HABP2: variants seen among roughly 807,000 people sequenced by gnomAD.
HABP2 encodes hyaluronan binding protein 2.
A neutral mutation model predicts 66.5 loss-of-function variants in HABP2; 65 were observed. The ratio of observed to expected loss-of-function variants is 0.98; its 90% CI spans 0.80 to 1.20. The LOEUF is 1.20. Ranked by LOEUF, HABP2 falls within the 50% of genes most tolerant of loss-of-function variation. The pLI is 0.00. For synonymous variants in HABP2, 263 were observed against 253.9 expected (o/e 1.04, Z -0.34); for missense variants, 786 against 691.0 (o/e 1.14, Z -1.54).
intron 1 of HABP2, among the ~76,000 whole-genome samples, chr10:113,556,973 A>C (rs1344765526): frequency 6.6e-6 from 1 of 151,956 alleles, no homozygotes; most frequent in Non-Finnish European, 1.5e-5. Flanking sequence ...CTTCCTCTTG[A>C]CCAATGTGCA....
At position 113,577,919 on chromosome 10, in the gene HABP2, C is replaced by T. The variant is rs146746733; in HGVS notation, c.449-107C>T. On this transcript the variant is annotated intron_variant, in intron 5 of 12. Transcript: ENST00000351270. Reference sequence around the variant, plus strand: ...TTCCCATCTGGTGACCCATCTTTCGCGAAAGGATGGACACCAGTAGAATGC... The same window carrying T: ...TTCCCATCTGGTGACCCATCTTTCGTGAAAGGATGGACACCAGTAGAATGC... 569 of 1,362,018 alleles carry T rather than the reference C, an allele frequency of 4.2e-4. 1 individual carries two copies. In the African/African-American group the frequency reaches 5.8e-3, roughly 14 times the overall value. The allele number at this position is 1,362,018 out of a possible 1,614,324, so 84.4% of individuals were successfully genotyped here. A position where few individuals can be genotyped will look rare whatever the true frequency, so the allele number is the denominator to read the frequency against.
chr10:113,569,339 G>A (rs538157792), intron 2 of HABP2, among the ~76,000 whole-genome samples: 2 of 152,336 alleles, frequency 1.3e-5, no homozygotes, highest in African/African-American at 2.4e-5. Flanking sequence ...CTGAGTTGTA[G>A]AGATTGGGCC....
intron 9 of HABP2, 107 bp from the exon 10 acceptor site, chr10:113,583,109 C>T (rs752305540): frequency 2.3e-5 from 20 of 877,130 alleles, no homozygotes; most frequent in African/African-American, 1.0e-4. Flanking sequence ...GTGAGTGAGA[C>T]GAGGGTTACA....
At chr10:113,568,338 C>A (rs1016155493) in intron 2 of HABP2, among the ~76,000 whole-genome samples, 6 of 152,222 alleles carry the variant, frequency 3.9e-5, no homozygotes, top group African/African-American at 1.4e-4. Context: ...GCAGACAACA[C>A]ATGGAGACTG....
intron 3 of HABP2, among the ~76,000 whole-genome samples, chr10:113,575,170 G>A (rs549945602): frequency 6.6e-6 from 1 of 152,300 alleles, no homozygotes; most frequent in East Asian, 1.9e-4. Context: ...GGGCATGGGG[G>A]AACATCAGAA....
Position 113,588,701 on chromosome 10 carries a change from A to G in HABP2, c.*332A>G, listed in dbSNP as rs1362667647. 1 of 545,124 alleles carries G rather than the reference A, an allele frequency of 1.8e-6. No individual in the cohort carries two copies. The highest frequency in any genetic ancestry group is 3.2e-6 in the Non-Finnish European group (1 of 310,122). 33.8% of individuals were successfully genotyped at this position (545,124 alleles called of 1,614,324 possible). A position where few individuals can be genotyped will look rare whatever the true frequency, so the allele number is the denominator to read the frequency against. On this transcript the variant is annotated 3_prime_UTR_variant, in exon 13 of 13. Transcript: ENST00000351270. ...CAGGCATCCTGCAAATGCAGACTCCAGAATCCCCAGCATCAGCGGGAACCA... is the reference window on the plus strand; with the variant it reads ...CAGGCATCCTGCAAATGCAGACTCCGGAATCCCCAGCATCAGCGGGAACCA...
intron 2 of HABP2, among the ~76,000 whole-genome samples, chr10:113,572,048 C>A (rs931484278): frequency 3.9e-5 from 6 of 152,248 alleles, no homozygotes; most frequent in African/African-American, 1.4e-4. Flanking sequence ...TGGAAAGGAT[C>A]TTTGTGACTT....
In HABP2 at chr10:113,578,681, G is replaced by A. The variant is rs1167960175; in HGVS notation, c.623G>A (p.Arg208Lys). The change falls in exon 7 of 13, where the codon AGG becomes AAG. Residue 208 changes from arginine (R) to lysine (K), a missense_variant. Transcript: ENST00000351270. ...DGYSYRGKMNRTVNQHACLYW... is the reference protein window; with the variant it reads ...DGYSYRGKMNKTVNQHACLYW... Reference sequence around the variant, plus strand: ...TACTCTTACCGAGGGAAAATGAATAGGACAGTCAACCAGCATGCGTGCCTT... The same window carrying A: ...TACTCTTACCGAGGGAAAATGAATAAGACAGTCAACCAGCATGCGTGCCTT... 3 of 1,611,658 alleles carry A rather than the reference G, an allele frequency of 1.9e-6. No individual in the cohort carries two copies. The highest frequency in any genetic ancestry group is 1.7e-5 in the Admixed American group (1 of 59,992).
chr10:113,567,529 A>G lies in HABP2; in HGVS notation c.106+4A>G. 1 of 1,607,132 alleles carries G rather than the reference A, an allele frequency of 6.2e-7. No homozygotes were observed. The highest frequency in any genetic ancestry group is 8.5e-7 in the Non-Finnish European group (1 of 1,173,626). Reference sequence around the variant, plus strand: ...TTATTGGAAAGCCTGGACCCAGGTAAGTGTGCTGATCTCCCTGGGGCTTCC... The same window carrying G: ...TTATTGGAAAGCCTGGACCCAGGTAGGTGTGCTGATCTCCCTGGGGCTTCC... On this transcript the variant is annotated splice_donor_region_variant and intron_variant, in intron 2 of 12. Coordinates refer to ENST00000351270, the MANE Select transcript of HABP2 (RefSeq NM_004132.5).
intron 7 of HABP2, 90 bp downstream of exon 7, chr10:113,578,888 T>A: frequency 1.1e-6 from 1 of 893,712 alleles, no homozygotes; most frequent in Non-Finnish European, 1.8e-6. Flanking sequence ...TCTAGGAAGA[T>A]TTTCTTACTC....
intron 2 of HABP2, among the ~76,000 whole-genome samples, chr10:113,573,972 C>T (rs1845359629): frequency 6.6e-6 from 1 of 152,198 alleles, no homozygotes; most frequent in African/African-American, 2.4e-5. Flanking sequence ...AAAATCAAGA[C>T]TTGATAATAC....
Position 113,588,402 on chromosome 10 carries a change from C to T in HABP2, c.*33C>T, listed in dbSNP as rs781202600. 1.9e-6 allele frequency: 3 copies of T among 1,562,648 alleles called. No individual in the cohort carries two copies. The highest frequency in any genetic ancestry group is 2.6e-6 in the Non-Finnish European group (3 of 1,147,788). On this transcript the variant is annotated 3_prime_UTR_variant, in exon 13 of 13. Coordinates refer to ENST00000351270, the MANE Select transcript of HABP2 (RefSeq NM_004132.5). ...TCTTCTGGACCTCAGAGCCCACTCT[C>T]CTTGGCACCCTGACACCGGGAGGCC...
Position 113,589,201 on chromosome 10 carries a change from C to CT in HABP2, c.*836dup, listed in dbSNP as rs1240886067. 1 of 726,694 alleles carries CT rather than the reference C, an allele frequency of 1.4e-6. No individual in the cohort carries two copies. Among genetic ancestry groups the CT allele is most frequent in the African/African-American group, 1.8e-5 (1 of 56,392 alleles). 45.0% of individuals were successfully genotyped at this position (726,694 alleles called of 1,614,324 possible). A position where few individuals can be genotyped will look rare whatever the true frequency, so the allele number is the denominator to read the frequency against. ...ATTTAACAGGCTCACCCTCCCTTTCCTTTTCCCCTCTTCTACCCTCCCCAA... is the reference window on the plus strand; with the variant it reads ...ATTTAACAGGCTCACCCTCCCTTTCCTTTTTCCCCTCTTCTACCCTCCCCAA... On this transcript the variant is annotated 3_prime_UTR_variant, in exon 13 of 13. Transcript: ENST00000351270.
chr10:113,572,554 A>AG (rs1845332550), intron 2 of HABP2: 1 of 304,980 alleles, frequency 3.3e-6, no homozygotes, highest in Admixed American at 4.5e-5. Flanking sequence ...TCCTTATCAA[A>AG]CCCCATTGTC....
chr10:113,584,525 C>A (rs1845598924), intron 11 of HABP2, among the ~76,000 whole-genome samples: 1 of 152,148 alleles, frequency 6.6e-6, no homozygotes, highest in African/African-American at 2.4e-5. Context: ...TGAATTTTAC[C>A]AAGCATTGAC....
At position 113,553,209 on chromosome 10, in the gene HABP2, T is replaced by C. The variant is rs745864750; in HGVS notation, c.69+19T>C. The C allele has an allele frequency of 1.3e-6, 2 of 1,577,828 alleles. No homozygotes were observed. Among genetic ancestry groups the C allele is most frequent in the Non-Finnish European group, 1.7e-6 (2 of 1,146,858 alleles). On this transcript the variant is annotated intron_variant, in intron 1 of 12. Coordinates refer to ENST00000351270, the MANE Select transcript of HABP2 (RefSeq NM_004132.5). The stretch of plus-strand genomic sequence containing the variant: ...CTGTGGGGTAAGTGTTCTTTTCTAA[T>C]ATTTGTAGTTGAGAGACTCCGAAGT...
chr10:113,588,816 C>CAACA lies in HABP2; in HGVS notation c.*448_*451dup, dbSNP rs1413654767. 4.6e-6 allele frequency: 3 copies of CAACA among 645,948 alleles called. No homozygotes were observed. The highest frequency in any genetic ancestry group is 5.4e-5 in the Admixed American group (2 of 37,212). The allele number at this position is 645,948 out of a possible 1,614,324, so 40.0% of individuals were successfully genotyped here. ...TAGGTATCAGAGAGGACCACAAATACAACATTCTCCATCTGCTTTCAGAGT... is the reference window on the plus strand; with the variant it reads ...TAGGTATCAGAGAGGACCACAAATACAACAAACATTCTCCATCTGCTTTCAGAGT... On this transcript the variant is annotated 3_prime_UTR_variant, in exon 13 of 13. Transcript: ENST00000351270.
At chr10:113,585,694 A>AG in intron 11 of HABP2, 99 bp from the exon 12 acceptor site, 1 of 878,854 alleles carries the variant, frequency 1.1e-6, no homozygotes, top group Non-Finnish European at 1.9e-6. Flanking sequence ...TTCTGAGCTA[A>AG]GAGTTGGTGG....
chr10:113,567,460 C>A (rs1427148104), intron 1 of HABP2, 29 bp from the exon 2 acceptor site: 1 of 1,597,138 alleles, frequency 6.3e-7, no homozygotes, highest in East Asian at 2.2e-5. Flanking sequence ...CATCTCAACG[C>A]TGATCTGCTG....
Sources: allele counts gnomAD v4.1 joint callset (sites outside exome capture counted in the v4.1 genomes callset), GRCh38; gene constraint gnomAD v4.1.1; transcripts MANE v1.5; gene names NCBI Gene and HGNC (gene_info 2026-07-23, HGNC 2026-07-21).